The following FARP1 variants were observed in gnomAD, a reference collection of about 807,000 sequenced individuals.
The protein encoded by FARP1 is FERM, ARH/RhoGEF and pleckstrin domain protein 1.
FARP1 carries 52 observed loss-of-function variants against 128.8 expected under a neutral mutation model. The ratio of observed to expected loss-of-function variants is 0.40; its 90% CI spans 0.32 to 0.51. The LOEUF is 0.51. FARP1 is among the 20% of genes least tolerant of loss of function. FARP1 has a pLI of 0.45. For synonymous variants in FARP1, 580 were observed against 551.8 expected (o/e 1.05, Z -0.72); for missense variants, 1,333 against 1,367.9 (o/e 0.97, Z 0.40).
chr13:98,431,345 T>A, intron 18 of FARP1, 65 bp downstream of exon 18: 1 of 1,186,356 alleles, frequency 8.4e-7, no homozygotes, highest in Non-Finnish European at 1.2e-6. Context: ...GCTCCCAGAC[T>A]GAGCCCAGCC....
chr13:98,382,590 T>C (rs1356318331), intron 6 of FARP1: 1 of 152,192 alleles, frequency 6.6e-6, no homozygotes. Context: ...TATTCTCAGA[T>C]TCTGTCTGAA....
chr13:98,365,120 G>A (rs556438220), intron 3 of FARP1, among the ~76,000 whole-genome samples: 1 of 152,284 alleles, frequency 6.6e-6, no homozygotes, highest in South Asian at 2.1e-4. Flanking sequence ...TATGATAAAT[G>A]TATAAATGAG....
intron 2 of FARP1, among the ~76,000 whole-genome samples, chr13:98,274,301 G>A (rs148423967): frequency 0.013 from 2,045 of 152,266 alleles, 21 homozygotes; most frequent in Non-Finnish European, 0.022. Context: ...GCCATGCTTG[G>A]TTTAGAAAAG....
intron 2 of FARP1, among the ~76,000 whole-genome samples, chr13:98,314,274 C>CTTTTTTT (rs140938723): frequency 4.2e-4 from 25 of 60,024 alleles, no homozygotes; most frequent in African/African-American, 6.7e-4. Context: ...TATTTTATGT[C>CTTTTTTT]TTTTTTTTTT....
intron 2 of FARP1, among the ~76,000 whole-genome samples, chr13:98,225,998 A>G (rs192174854): frequency 2.7e-4 from 35 of 130,038 alleles, no homozygotes; most frequent in African/African-American, 9.2e-4. Context: ...GGAGCACTTT[A>G]GTTGTCCGTT....
rs1892225298 is a variant in FARP1, at chr13:98,435,574, A to G, written c.2144-2A>G. 6.2e-7 allele frequency: 1 copy of G among 1,608,648 alleles called. No individual in the cohort carries two copies. The highest frequency in any genetic ancestry group is 1.7e-5 in the Admixed American group (1 of 59,784). ...CAGACTGTGTATGTCTTTCCTTCAC[A>G]GCCGCTTTGGCAGAGATCACGGAGA... On this transcript the variant is annotated splice_acceptor_variant, in intron 18 of 26. Transcript: ENST00000319562. LOFTEE classifies it high-confidence loss of function.
chr13:98,209,071 C>T (rs1446025537), intron 1 of FARP1, among the ~76,000 whole-genome samples: 6 of 152,134 alleles, frequency 3.9e-5, no homozygotes, highest in Non-Finnish European at 8.8e-5. Flanking sequence ...TGCAGTGGCA[C>T]GATCTCGGCT....
At chr13:98,395,845 C>A in intron 13 of FARP1, 1 of 400,944 alleles carries the variant, frequency 2.5e-6, no homozygotes, top group South Asian at 1.3e-4. Flanking sequence ...CTCGGCTGGT[C>A]ACAGCCCCCT....
intron 13 of FARP1, chr13:98,407,573 A>G (rs182734990): frequency 4.6e-5 from 7 of 152,204 alleles, no homozygotes; most frequent in Non-Finnish European, 1.0e-4. Context: ...ACAAGGCTTC[A>G]TGTTAGTGAG....
rs58661708 is a variant in FARP1, at chr13:98,450,025, C to CTATT, written c.*1714_*1717dup. On this transcript the variant is annotated 3_prime_UTR_variant, in exon 27 of 27. Coordinates refer to ENST00000319562, the MANE Select transcript of FARP1 (RefSeq NM_005766.4). ...CTTGGGGACAAGGCAGTCTCCTCAG[C>CTATT]TATTTATTTCTGAATGATTGATTGA... 1.3e-5 allele frequency: 2 copies of CTATT among 151,908 alleles called. No homozygotes were observed. Among genetic ancestry groups the CTATT allele is most frequent in the Non-Finnish European group, 2.9e-5 (2 of 67,936 alleles). 9.4% of individuals were successfully genotyped at this position (151,908 alleles called of 1,614,324 possible).
chr13:98,210,530 G>A (rs28372107), intron 1 of FARP1, among the ~76,000 whole-genome samples: 19,784 of 149,098 alleles, frequency 0.13, 3,116 homozygotes, highest in East Asian at 0.53. Context: ...ATCAGTGTTG[G>A]ACTTTCTTTT....
chr13:98,446,842 G>A lies in FARP1; in HGVS notation c.3056+25G>A, dbSNP rs1369868125. 1.5e-5 allele frequency: 24 copies of A among 1,612,898 alleles called. No individual in the cohort carries two copies. In the East Asian group the frequency reaches 4.0e-4, roughly 27 times the overall value. The stretch of plus-strand genomic sequence containing the variant: ...GGTAGACACCCCCTTCCCACGCACA[G>A]GGCCCTGCAGAAGAGGACCCCCTCT... On this transcript the variant is annotated intron_variant, in intron 26 of 26. Coordinates refer to ENST00000319562, the MANE Select transcript of FARP1 (RefSeq NM_005766.4).
At chr13:98,446,919 C>A in intron 26 of FARP1, 102 bp downstream of exon 26, 1 of 1,267,378 alleles carries the variant, frequency 7.9e-7, no homozygotes, top group Non-Finnish European at 1.1e-6. Context: ...CCCCACCCTT[C>A]CCTGCCAACT....
chr13:98,304,584 A>C (rs908235432), intron 2 of FARP1, among the ~76,000 whole-genome samples: 2 of 152,176 alleles, frequency 1.3e-5, no homozygotes, highest in African/African-American at 2.4e-5. Context: ...CAGGAAAGCT[A>C]CCCATTCGAT....
chr13:98,271,088 G>C (rs1884368562), intron 2 of FARP1, among the ~76,000 whole-genome samples: 1 of 152,244 alleles, frequency 6.6e-6, no homozygotes, highest in Non-Finnish European at 1.5e-5. Flanking sequence ...CAGGATGACA[G>C]AAGAGCTGAA....
At chr13:98,244,906 C>T in intron 2 of FARP1, 4 of 1,400,880 alleles carry the variant, frequency 2.9e-6, no homozygotes, top group South Asian at 1.6e-5. Flanking sequence ...AAACGGGTCT[C>T]CAGGAGGCTT....
chr13:98,383,124 T>C (rs2140031692), intron 6 of FARP1, among the ~76,000 whole-genome samples: 1 of 152,300 alleles, frequency 6.6e-6, no homozygotes, highest in Admixed American at 6.5e-5. Flanking sequence ...GCTAATTCAG[T>C]GTTTATGGTA....
intron 1 of FARP1, chr13:98,177,304 G>A (rs1302384757): frequency 8.6e-6 from 11 of 1,281,338 alleles, no homozygotes; most frequent in African/African-American, 3.0e-5. Flanking sequence ...GTCGCTGCAC[G>A]TGGGGCGTGG....
In FARP1 at chr13:98,437,990, C is replaced by T. The variant is rs1433853741; in HGVS notation, c.2275-814C>T. ...CAGAATGGGAAGGTGGGATCGGAGG[C>T]GCCTGAGGGAGCACGTTCTGGAAGT... On this transcript the variant is annotated intron_variant, in intron 19 of 26. Coordinates refer to ENST00000319562, the MANE Select transcript of FARP1 (RefSeq NM_005766.4). 9.6e-6 allele frequency: 7 copies of T among 725,462 alleles called. No individual in the cohort carries two copies. In the African/African-American group the frequency reaches 1.0e-4, roughly 11 times the overall value. The allele number at this position is 725,462 out of a possible 1,614,324, so 44.9% of individuals were successfully genotyped here.
Sources: gnomAD v4.1 joint callset for allele counts (sites outside exome capture counted in the v4.1 genomes callset) on GRCh38, gnomAD v4.1.1 for gene constraint, MANE v1.5 for transcripts, NCBI Gene and HGNC (gene_info 2026-07-23, HGNC 2026-07-21) for gene names.